The following SLK variants were observed in gnomAD, a reference collection of about 807,000 sequenced individuals.
SLK encodes the protein STE20-like serine/threonine-protein kinase.
A neutral mutation model predicts 147.7 loss-of-function variants in SLK; 67 were observed. That is an observed-to-expected ratio of 0.45 (90% CI 0.37 to 0.56). The LOEUF (loss-of-function observed/expected upper bound fraction) is 0.56, where lower values mean the gene tolerates loss of function less well. SLK is among the 20% of genes least tolerant of loss of function. The pLI is 0.00. For missense variants in SLK, 1,136 were observed against 1,438.8 expected (o/e 0.79, Z 3.41); for synonymous variants, 441 against 475.0 (o/e 0.93, Z 0.93).
At chr10:103,991,216 C>T (rs1844088866) in intron 2 of SLK, among the ~76,000 whole-genome samples, 1 of 151,938 alleles carries the variant, frequency 6.6e-6, no homozygotes, top group Non-Finnish European at 1.5e-5. Flanking sequence ...TTATCCTAAA[C>T]TTTTTGTAAA....
intron 4 of SLK, among the ~76,000 whole-genome samples, chr10:103,993,556 T>C (rs1379708450): frequency 6.6e-6 from 1 of 152,192 alleles, no homozygotes; most frequent in Non-Finnish European, 1.5e-5. Context: ...TTTTATATTC[T>C]ATTTTATTGA....
At chr10:103,983,434 A>G (rs1764450196) in intron 1 of SLK, among the ~76,000 whole-genome samples, 1 of 152,182 alleles carries the variant, frequency 6.6e-6, no homozygotes, top group South Asian at 2.1e-4. Flanking sequence ...TAGGTTTTGA[A>G]GGATTATGCC....
At position 104,008,366 on chromosome 10, in the gene SLK, A is replaced by G. The variant is rs1209829738; in HGVS notation, c.2784+10A>G. 3 of 1,581,600 alleles carry G rather than the reference A, an allele frequency of 1.9e-6. No individual in the cohort carries two copies. Among genetic ancestry groups the G allele is most frequent in the Non-Finnish European group, 2.6e-6 (3 of 1,165,572 alleles). ...GAACCGAAAGAAGGAGGTAAGTGTA[A>G]ACTACTGTTTTTAATTACTAAAGCT... On this transcript the variant is annotated intron_variant, in intron 12 of 18. Transcript: ENST00000369755.
intron 13 of SLK, among the ~76,000 whole-genome samples, chr10:104,013,061 C>T (rs75786754): frequency 0.016 from 2,442 of 152,244 alleles, 66 homozygotes; most frequent in African/African-American, 0.055. Flanking sequence ...TAAATTCCTT[C>T]AGTAAATCTA....
chr10:103,995,423 C>CCTTTTT (rs1564655825), intron 4 of SLK, among the ~76,000 whole-genome samples: 1 of 67,702 alleles, frequency 1.5e-5, no homozygotes, highest in Admixed American at 1.5e-4. Flanking sequence ...TCTTTCTTTT[C>CCTTTTT]TTTTTTTTTT....
intron 18 of SLK, 51 bp downstream of exon 18, chr10:104,021,784 C>T: frequency 2.1e-6 from 2 of 951,732 alleles, no homozygotes; most frequent in Non-Finnish European, 3.3e-6. Flanking sequence ...CGTCCGTCTA[C>T]CCAGCTATTG....
In SLK at chr10:104,001,530, T is replaced by C; in HGVS notation, c.951T>C (p.Asp317=). 6.2e-7 allele frequency: 1 copy of C among 1,613,776 alleles called. No individual in the cohort carries two copies. Among genetic ancestry groups the C allele is most frequent in the Non-Finnish European group, 8.5e-7 (1 of 1,179,782 alleles). ...CTGAAGTAACAGAAGAAGTTGAAGA[T>C]GGCAAAGAGGAAGATGAAGAGGAGG... ...AKAEVTEEVE[D]GKEEDEEEET... The change falls in exon 8 of 19, where the codon GAT becomes GAC. Residue 317 remains aspartate, a synonymous_variant. Coordinates refer to ENST00000369755, the MANE Select transcript of SLK (RefSeq NM_014720.4).
chr10:103,985,611 G>C (rs1435815383), intron 1 of SLK, among the ~76,000 whole-genome samples: 1 of 151,540 alleles, frequency 6.6e-6, no homozygotes, highest in Non-Finnish European at 1.5e-5. Context: ...CATATTTTTT[G>C]TTTGTTTGTT....
In SLK at chr10:104,021,667, G is replaced by T; in HGVS notation, c.3495G>T (p.Lys1165Asn). 1 of 1,611,306 alleles carries T rather than the reference G, an allele frequency of 6.2e-7. No individual in the cohort carries two copies. The highest frequency in any genetic ancestry group is 2.2e-5 in the East Asian group (1 of 44,788). Residue 1165 changes from lysine to asparagine, a missense_variant, in exon 18 of 19, where the codon AAG becomes AAT. Lys to Asn is a moderately conservative substitution (Grantham distance 94). Transcript: ENST00000369755. ...TTGAGCATGAGACTCAGAAACTGAA[G>T]GAGTTAGATGAGGAACATAGCCAAG... is the stretch of plus-strand genomic sequence containing the variant. ...LLVEHETQKL[K>N]ELDEEHSQEL...
Position 103,999,819 on chromosome 10 carries a change from T to C in SLK, c.783-48T>C, listed in dbSNP as rs557821789. 62 of 797,772 alleles carry C rather than the reference T, an allele frequency of 7.8e-5. 2 individuals carry two copies. The South Asian group carries it at 9.4e-4, about 12-fold the overall frequency. The allele number at this position is 797,772 out of a possible 1,614,324, so 49.4% of individuals were successfully genotyped here. A position where few individuals can be genotyped will look rare whatever the true frequency, so the allele number is the denominator to read the frequency against. Reference sequence around the variant, plus strand: ...ACTTATCAAAGAGTTTTGTTTAATTTGATTAACAAGAAAGTAAAATAGAAT... The same window carrying C: ...ACTTATCAAAGAGTTTTGTTTAATTCGATTAACAAGAAAGTAAAATAGAAT... On this transcript the variant is annotated intron_variant, in intron 6 of 18. Transcript: ENST00000369755.
intron 2 of SLK, among the ~76,000 whole-genome samples, chr10:103,991,750 G>T (rs928127175): frequency 1.3e-5 from 2 of 151,980 alleles, no homozygotes; most frequent in Non-Finnish European, 2.9e-5. Flanking sequence ...GGGAAAAAAG[G>T]CAGGAAGCTA....
intron 1 of SLK, among the ~76,000 whole-genome samples, chr10:103,988,788 G>A (rs1039588984): frequency 6.6e-6 from 1 of 151,758 alleles, no homozygotes; most frequent in African/African-American, 2.4e-5. Context: ...ATGTTTATAT[G>A]TGGTTTTTTT....
intron 11 of SLK, among the ~76,000 whole-genome samples, chr10:104,006,462 TA>T (rs1235239166): frequency 6.6e-6 from 1 of 152,194 alleles, no homozygotes; most frequent in Non-Finnish European, 1.5e-5. Flanking sequence ...AGGGGCTTTT[TA>T]AAAATGTGCT....
At chr10:103,969,952 A>G (rs1843771264) in intron 1 of SLK, among the ~76,000 whole-genome samples, 1 of 152,186 alleles carries the variant, frequency 6.6e-6, no homozygotes, top group African/African-American at 2.4e-5. Flanking sequence ...GGCAGTTTTC[A>G]TGGTGTAAAT....
intron 1 of SLK, among the ~76,000 whole-genome samples, chr10:103,970,643 G>T (rs778199171): frequency 6.6e-6 from 1 of 152,040 alleles, no homozygotes; most frequent in Non-Finnish European, 1.5e-5. Flanking sequence ...AGATTCCATA[G>T]AAATTGAGGA....
chr10:103,984,809 C>T (rs1379642154), intron 1 of SLK, among the ~76,000 whole-genome samples: 1 of 152,132 alleles, frequency 6.6e-6, no homozygotes, highest in Non-Finnish European at 1.5e-5. Flanking sequence ...ATTGTAAGTA[C>T]CCCAGCACAG....
intron 1 of SLK, among the ~76,000 whole-genome samples, chr10:103,989,730 A>G (rs1399749466): frequency 1.3e-5 from 2 of 152,044 alleles, no homozygotes; most frequent in African/African-American, 4.8e-5. Flanking sequence ...GGCCTCCCAA[A>G]GTGCTGGGAT....
intron 10 of SLK, 81 bp from the exon 11 acceptor site, chr10:104,005,831 T>G: frequency 2.6e-6 from 4 of 1,531,106 alleles, no homozygotes; most frequent in Non-Finnish European, 3.5e-6. Flanking sequence ...CGAAAGAAAA[T>G]TTTTAAAGCT....
intron 13 of SLK, among the ~76,000 whole-genome samples, chr10:104,012,277 G>T (rs1844410312): frequency 6.6e-6 from 1 of 152,038 alleles, no homozygotes; most frequent in South Asian, 2.1e-4. Flanking sequence ...CATTTCAAAG[G>T]AGAGAATATT....
Sources: gnomAD v4.1 joint callset for allele counts (sites outside exome capture counted in the v4.1 genomes callset) on GRCh38, gnomAD v4.1.1 for gene constraint, MANE v1.5 for transcripts, NCBI Gene and HGNC (gene_info 2026-07-23, HGNC 2026-07-21) for gene names.